BBX: variants seen among roughly 807,000 people sequenced by gnomAD.
BBX encodes HMG box transcription factor BBX.
BBX carries 30 observed loss-of-function variants against 100.2 expected under a neutral mutation model. The ratio of observed to expected loss-of-function variants is 0.30; its 90% CI spans 0.22 to 0.41. The LOEUF is 0.41. BBX is among the 10% of genes least tolerant of loss of function. BBX has a pLI of 1.00. For synonymous variants in BBX, 376 were observed against 388.1 expected, an observed-to-expected ratio of 0.97 and a Z score of 0.37; for missense variants, 1,023 against 1,129.8, an observed-to-expected ratio of 0.91 and a Z score of 1.35.
chr3:107,744,787 G>C, intron 8 of BBX, 77 bp downstream of exon 8: 2 of 1,173,900 alleles, frequency 1.7e-6, no homozygotes, highest in Non-Finnish European at 2.6e-6. Context: ...AACAGTAACT[G>C]AAAGCAATGA....
At chr3:107,796,969 T>G (rs182036590) in intron 15 of BBX, among the ~76,000 whole-genome samples, 657 of 152,258 alleles carry the variant, frequency 4.3e-3, no homozygotes, top group Middle Eastern at 0.02. Flanking sequence ...CTTAAGCCTG[T>G]CTGCACACAG....
At chr3:107,730,685 G>A (rs2063261738) in intron 6 of BBX, among the ~76,000 whole-genome samples, 1 of 152,074 alleles carries the variant, frequency 6.6e-6, no homozygotes. Flanking sequence ...TAAGATCAGT[G>A]TTCTCAAAAG....
At chr3:107,723,938 G>C (rs1415494192) in intron 5 of BBX, among the ~76,000 whole-genome samples, 1 of 152,180 alleles carries the variant, frequency 6.6e-6, no homozygotes, top group Non-Finnish European at 1.5e-5. Context: ...TAATGGGATG[G>C]CTGGGTCAAA....
intron 2 of BBX, among the ~76,000 whole-genome samples, chr3:107,583,970 ATATTAT>A (rs1167366203): frequency 4.5e-5 from 4 of 89,254 alleles, no homozygotes; most frequent in Admixed American, 1.6e-4. Context: ...TATATTATAT[ATATTAT>A]TATATTATTA....
intron 7 of BBX, among the ~76,000 whole-genome samples, chr3:107,743,061 G>A (rs1406083624): frequency 6.6e-6 from 1 of 152,052 alleles, no homozygotes; most frequent in South Asian, 2.1e-4. Flanking sequence ...ATGCAGTGGA[G>A]CAACTCTAAA....
chr3:107,533,884 C>G (rs1367164446), intron 2 of BBX, among the ~76,000 whole-genome samples: 2 of 151,926 alleles, frequency 1.3e-5, no homozygotes, highest in African/African-American at 4.8e-5. Flanking sequence ...TTAGTCTGTT[C>G]TCAGATGAGA....
At chr3:107,629,937 A>AGAG (rs766360828) in intron 2 of BBX, among the ~76,000 whole-genome samples, 14 of 152,166 alleles carry the variant, frequency 9.2e-5, no homozygotes, top group Non-Finnish European at 1.5e-4. Flanking sequence ...GCGTGTCTGT[A>AGAG]GAGGTACAGT....
At chr3:107,602,762 G>A (rs1445417735) in intron 2 of BBX, among the ~76,000 whole-genome samples, 1 of 152,186 alleles carries the variant, frequency 6.6e-6, no homozygotes. Flanking sequence ...TCTTACAATG[G>A]ATACTTGAAC....
At chr3:107,680,321 G>A (rs1275257589) in intron 3 of BBX, among the ~76,000 whole-genome samples, 5 of 152,086 alleles carry the variant, frequency 3.3e-5, no homozygotes, top group East Asian at 1.9e-4. Flanking sequence ...CACCGCTTAC[G>A]AGTACCTCTT....
chr3:107,801,370 G>A, intron 17 of BBX, 89 bp downstream of exon 17: 1 of 1,432,796 alleles, frequency 7.0e-7, no homozygotes. Flanking sequence ...CAGGGCATTG[G>A]GGTTCAAACT....
At chr3:107,573,836 C>T (rs1411523292) in intron 2 of BBX, among the ~76,000 whole-genome samples, 1 of 152,122 alleles carries the variant, frequency 6.6e-6, no homozygotes, top group East Asian at 1.9e-4. Flanking sequence ...AAACAATTCT[C>T]CTGCCTCAGC....
intron 3 of BBX, chr3:107,661,960 TTTG>T: frequency 1.1e-6 from 1 of 938,898 alleles, no homozygotes; most frequent in Non-Finnish European, 1.3e-6. Context: ...TCATTCAGCA[TTTG>T]TTAAGTGACT....
chr3:107,682,096 C>CG (rs1233719115), intron 3 of BBX, among the ~76,000 whole-genome samples: 1 of 152,040 alleles, frequency 6.6e-6, no homozygotes, highest in Non-Finnish European at 1.5e-5. Context: ...TCACATAAAA[C>CG]TAATTTGATT....
At chr3:107,630,561 C>A (rs1439136165) in intron 2 of BBX, among the ~76,000 whole-genome samples, 1 of 152,114 alleles carries the variant, frequency 6.6e-6, no homozygotes, top group Non-Finnish European at 1.5e-5. Flanking sequence ...CTGTTGCCTG[C>A]CAAAGCAATG....
chr3:107,620,396 G>T (rs929538343), intron 2 of BBX, among the ~76,000 whole-genome samples: 2 of 152,192 alleles, frequency 1.3e-5, no homozygotes, highest in African/African-American at 4.8e-5. Flanking sequence ...TCTGTTGATT[G>T]TATTTCCTCA....
intron 3 of BBX, among the ~76,000 whole-genome samples, chr3:107,652,619 A>T (rs892003405): frequency 2.0e-5 from 3 of 152,230 alleles, no homozygotes; most frequent in African/African-American, 7.2e-5. Context: ...GTATGAATAT[A>T]TTCAGGCATG....
At chr3:107,747,939 A>G (rs1422528061) in intron 8 of BBX, 26 bp from the exon 9 acceptor site, 2 of 1,581,090 alleles carry the variant, frequency 1.3e-6, no homozygotes, top group African/African-American at 1.3e-5. Flanking sequence ...GTCATTGTAT[A>G]TTAAAAATTG....
chr3:107,600,572 G>A (rs1200827335), intron 2 of BBX, among the ~76,000 whole-genome samples: 1 of 152,208 alleles, frequency 6.6e-6, no homozygotes, highest in African/African-American at 2.4e-5. Context: ...CACAAAGACA[G>A]TAGTGCTTAA....
intron 5 of BBX, among the ~76,000 whole-genome samples, chr3:107,722,572 T>A (rs1393679390): frequency 6.6e-6 from 1 of 151,982 alleles, no homozygotes; most frequent in Non-Finnish European, 1.5e-5. Context: ...TTATGACATT[T>A]CCACAACACA....
Sources: gnomAD v4.1 joint callset for allele counts (sites outside exome capture counted in the v4.1 genomes callset) on GRCh38, gnomAD v4.1.1 for gene constraint, MANE v1.5 for transcripts, NCBI Gene and HGNC (gene_info 2026-07-23, HGNC 2026-07-21) for gene names.